Variants in NLRP13 observed in about 807,000 individuals in gnomAD.
The protein encoded by NLRP13 is NLR family pyrin domain containing 13, also known as NACHT, LRR and PYD domains-containing protein 13.
A neutral mutation model predicts 94.4 loss-of-function variants in NLRP13; 82 were observed. That is an observed-to-expected ratio of 0.87 (90% confidence interval 0.73 to 1.04). The LOEUF (loss-of-function observed/expected upper bound fraction) is 1.04. Among genes scored for constraint, NLRP13 ranks in the 50% least tolerant of loss-of-function variants. The pLI, the probability that NLRP13 is intolerant of heterozygous loss-of-function variation, is 0.00. For synonymous variants in NLRP13, 553 were observed against 464.7 expected, an observed-to-expected ratio of 1.19 and a Z score of -2.45; for missense variants, 1,426 against 1,230.8, an observed-to-expected ratio of 1.16 and a Z score of -2.37.
chr19:55,912,971 A>G lies in NLRP13; in HGVS notation c.846T>C (p.Ala282=), dbSNP rs779272690. The change falls in exon 5 of 11, where the codon GCT becomes GCC. Residue 282 remains alanine (A), a synonymous_variant. Coordinates refer to ENST00000342929, the MANE Select transcript of NLRP13 (RefSeq NM_176810.2). Reference sequence around the variant, plus strand: ...CGGGCCAATCCAAAGAAATCAATTCAGCAAAGGTAGTTTCCTTCATGTACC... The same window carrying G: ...CGGGCCAATCCAAAGAAATCAATTCGGCAAAGGTAGTTTCCTTCATGTACC... ...KIRYMKETTF[A]ELISLDWPDF... 1.2e-5 allele frequency: 20 copies of G among 1,614,070 alleles called. 1 individual carries two copies. The South Asian group carries it at 2.0e-4, about 16-fold the overall frequency.
intron 6 of NLRP13, 130 bp downstream of exon 6, chr19:55,910,433 G>T: frequency 2.4e-6 from 2 of 836,666 alleles, no homozygotes; most frequent in Non-Finnish European, 3.5e-6. Context: ...ATAAATACAA[G>T]CACAGTTTAT....
At position 55,932,127 on chromosome 19, in the gene NLRP13, G is replaced by A. The variant is rs1171968292; in HGVS notation, c.185C>T (p.Ala62Val). 6.2e-7 allele frequency: 1 copy of A among 1,614,050 alleles called. No individual in the cohort carries two copies. ...FPRIPWANLRAADPLNLSFLL... is the reference protein window; with the variant it reads ...FPRIPWANLRVADPLNLSFLL... The stretch of plus-strand genomic sequence containing the variant: ...AAAGGACAGATTCAAAGGGTCGGCA[G>A]CTCTCAAGTTTGCCCAGGGGATACG... Residue 62 changes from alanine to valine, a missense_variant, in exon 1 of 11, where the codon GCT (alanine) becomes GTT (valine). Coordinates refer to ENST00000342929, the MANE Select transcript of NLRP13 (RefSeq NM_176810.2).
At chr19:55,918,202 T>C (rs1986718806) in intron 4 of NLRP13, among the ~76,000 whole-genome samples, 1 of 150,656 alleles carries the variant, frequency 6.6e-6, no homozygotes, top group Admixed American at 6.6e-5. Context: ...ATTAAGTTTT[T>C]TGAAACTAAT....
Position 55,911,768 on chromosome 19 carries a change from C to T in NLRP13, c.2049G>A (p.Arg683=), listed in dbSNP as rs1986518855. 6.2e-7 allele frequency: 1 copy of T among 1,613,790 alleles called. No homozygotes were observed. ...TAACAGAAAGCCTTAGCTTATTTAA[C>T]CTTTTACAGTGCTTTAGGCAAAATG... ...ASSFCLKHCK[R]LNKLRLSVSS... is the part of the protein sequence containing the mutation. Residue 683 remains arginine (R), a synonymous_variant, in exon 5 of 11, where the codon AGG becomes AGA. Coordinates refer to ENST00000342929, the MANE Select transcript of NLRP13 (RefSeq NM_176810.2).
chr19:55,923,337 AG>A (rs1191249794), intron 4 of NLRP13, among the ~76,000 whole-genome samples: 2 of 152,038 alleles, frequency 1.3e-5, no homozygotes, highest in African/African-American at 4.8e-5. Flanking sequence ...GCTGGGGGAG[AG>A]GGGGTTGCAA....
chr19:55,921,878 G>T (rs1363223306), intron 4 of NLRP13, among the ~76,000 whole-genome samples: 10 of 152,210 alleles, frequency 6.6e-5, no homozygotes, highest in Non-Finnish European at 4.4e-5. Flanking sequence ...ATCTTCCCCA[G>T]AGCCTTTCTA....
At chr19:55,891,782 C>G (rs1985856161), downstream of NLRP13, 1 of 311,116 alleles carries the variant, frequency 3.2e-6, no homozygotes, top group South Asian at 1.6e-4. Context: ...ACTGAAGGCA[C>G]AGCCAACTTA....
chr19:55,892,044 C>T (rs1985864992), downstream of NLRP13: 1 of 1,187,250 alleles, frequency 8.4e-7, no homozygotes, highest in African/African-American at 1.6e-5. Flanking sequence ...ATCCCACGCA[C>T]ACTTGAGTTT....
At chr19:55,892,221 G>T, downstream of NLRP13, 2 of 833,692 alleles carry the variant, frequency 2.4e-6, no homozygotes, top group South Asian at 6.2e-5. Context: ...TTTGTTACAT[G>T]GGTCTACTGT....
rs527737189 is a variant in NLRP13 at position 55,908,050 on chromosome 19, A to G, written c.2283-94T>C. ...CCTCACCCTGCCTTCTACTACACTC[A>G]CTGCCAAGGTTATACACGGTACACA... is the stretch of plus-strand genomic sequence containing the variant. On this transcript the variant is annotated intron_variant, in intron 6 of 10. Coordinates refer to ENST00000342929, the MANE Select transcript of NLRP13 (RefSeq NM_176810.2). The G allele has an allele frequency of 1.7e-5, 19 of 1,116,508 alleles. No homozygotes were observed. In the African/African-American group the frequency reaches 3.0e-4, roughly 17 times the overall value. 69.2% of individuals were successfully genotyped at this position (1,116,508 alleles called of 1,614,324 possible).
intron 9 of NLRP13, 91 bp from the exon 10 acceptor site, chr19:55,899,028 G>A (rs2123103589): frequency 2.2e-6 from 3 of 1,371,732 alleles, no homozygotes; most frequent in South Asian, 2.8e-5. Flanking sequence ...TCCAAGGAAA[G>A]GAGACACCCT....
At position 55,907,941 on chromosome 19, in the gene NLRP13, A is replaced by ATCCT; in HGVS notation, c.2297_2298insAGGA (p.Pro767GlyfsTer3). On this transcript the variant is annotated frameshift_variant, in exon 7 of 11. Transcript: ENST00000342929. LOFTEE classifies it high-confidence loss of function. The stretch of plus-strand genomic sequence containing the variant: ...TGAGGTCCTGCAGAACCCACTCAGG[A>ATCCT]GTTACCGATTTGCACCTGAGGAAGG... 1 of 1,600,468 alleles carries ATCCT rather than the reference A, an allele frequency of 6.2e-7. No homozygotes were observed. The highest frequency in any genetic ancestry group is 8.5e-7 in the Non-Finnish European group (1 of 1,170,794).
chr19:55,907,307 T>C (rs1201591070), intron 7 of NLRP13, among the ~76,000 whole-genome samples: 2 of 152,094 alleles, frequency 1.3e-5, no homozygotes, highest in East Asian at 1.9e-4. Context: ...GCACATTGAC[T>C]CACGCCTGTA....
intron 4 of NLRP13, among the ~76,000 whole-genome samples, 154 bp downstream of exon 4, chr19:55,923,760 A>G (rs1322521589): frequency 6.6e-6 from 1 of 152,162 alleles, no homozygotes; most frequent in Non-Finnish European, 1.5e-5. Context: ...TTTTCAACAA[A>G]TTGTACTGGA....
At chr19:55,901,677 C>A (rs1986180170) in intron 9 of NLRP13, among the ~76,000 whole-genome samples, 1 of 152,154 alleles carries the variant, frequency 6.6e-6, no homozygotes, top group Non-Finnish European at 1.5e-5. Context: ...GGAGAGGGCT[C>A]CTGGGAGCTT....
chr19:55,900,777 A>ACAAAC (rs768968390), intron 9 of NLRP13, among the ~76,000 whole-genome samples: 2 of 146,468 alleles, frequency 1.4e-5, no homozygotes, highest in Admixed American at 1.4e-4. Flanking sequence ...CTCCATCTTA[A>ACAAAC]AAAAAAAAAA....
chr19:55,905,225 GGAGA>G lies in NLRP13; in HGVS notation c.2448-117_2448-114del, dbSNP rs983435390. 23 of 1,150,776 alleles carry G rather than the reference GGAGA, an allele frequency of 2.0e-5. No homozygotes were observed. In the African/African-American group the frequency reaches 3.6e-4, roughly 18 times the overall value. The allele number at this position is 1,150,776 out of a possible 1,614,324, so 71.3% of individuals were successfully genotyped here. On this transcript the variant is annotated intron_variant, in intron 7 of 10. Coordinates refer to ENST00000342929, the MANE Select transcript of NLRP13 (RefSeq NM_176810.2). Reference sequence around the variant, plus strand: ...CCAAACATTATGGGAAGATTAAATTGGAGAAAGAACAAAAGCTTAAAGAAGGAGA... The same window carrying G: ...CCAAACATTATGGGAAGATTAAATTGAAGAACAAAAGCTTAAAGAAGGAGA...
At chr19:55,917,045 G>C (rs1166356685) in intron 4 of NLRP13, among the ~76,000 whole-genome samples, 1 of 152,152 alleles carries the variant, frequency 6.6e-6, no homozygotes, top group Non-Finnish European at 1.5e-5. Flanking sequence ...TTACAAGCTA[G>C]AAGGAATTGG....
intron 6 of NLRP13, among the ~76,000 whole-genome samples, chr19:55,910,235 C>T (rs1370919621): frequency 6.6e-6 from 1 of 152,218 alleles, no homozygotes; most frequent in Admixed American, 6.5e-5. Flanking sequence ...CTACACGTGT[C>T]TGTAGCTCTT....
Sources: gnomAD v4.1 joint callset for allele counts (sites outside exome capture counted in the v4.1 genomes callset) on GRCh38, gnomAD v4.1.1 for gene constraint, MANE v1.5 for transcripts, NCBI Gene and HGNC (gene_info 2026-07-23, HGNC 2026-07-21) for gene names.